GPR137C: variants seen among roughly 807,000 people sequenced by gnomAD.
GPR137C encodes integral membrane protein GPR137C.
GPR137C carries 27 observed loss-of-function variants against 43.4 expected under a neutral mutation model. The observed-to-expected ratio is 0.62, with a 90% CI of 0.46 to 0.86. The LOEUF (loss-of-function observed/expected upper bound fraction) is 0.86. GPR137C is among the 40% of genes least tolerant of loss of function. GPR137C has a pLI of 0.00. For synonymous variants in GPR137C, 285 were observed against 226.9 expected, an observed-to-expected ratio of 1.26 and a Z score of -2.30; for missense variants, 522 against 534.6, an observed-to-expected ratio of 0.98 and a Z score of 0.23.
At chr14:52,619,522 T>C (rs1037207384) in intron 3 of GPR137C, among the ~76,000 whole-genome samples, 2 of 152,212 alleles carry the variant, frequency 1.3e-5, no homozygotes, top group African/African-American at 4.8e-5. Context: ...ACTGCAAGTC[T>C]TATTTCCTAT....
At chr14:52,597,711 C>G (rs1418363605) in intron 1 of GPR137C, among the ~76,000 whole-genome samples, 1 of 152,122 alleles carries the variant, frequency 6.6e-6, no homozygotes, top group African/African-American at 2.4e-5. Context: ...TTTGGTTTAC[C>G]TACTCACCTG....
At chr14:52,631,343 G>A (rs1438408082) in intron 3 of GPR137C, among the ~76,000 whole-genome samples, 2 of 152,124 alleles carry the variant, frequency 1.3e-5, no homozygotes, top group South Asian at 2.1e-4. Flanking sequence ...CTTAATCATT[G>A]TGACAACCAA....
intron 1 of GPR137C, among the ~76,000 whole-genome samples, chr14:52,565,958 C>T (rs2038363616): frequency 1.3e-5 from 2 of 152,114 alleles, no homozygotes; most frequent in Non-Finnish European, 2.9e-5. Flanking sequence ...TCAGTGATAT[C>T]TAAGATACCT....
chr14:52,615,941 T>C (rs538464548), intron 3 of GPR137C, among the ~76,000 whole-genome samples: 1 of 152,364 alleles, frequency 6.6e-6, no homozygotes, highest in African/African-American at 2.4e-5. Flanking sequence ...ATAGTTTATT[T>C]CTACTCTTTC....
chr14:52,630,088 A>G (rs1346950757), intron 3 of GPR137C, among the ~76,000 whole-genome samples: 1 of 151,916 alleles, frequency 6.6e-6, no homozygotes, highest in East Asian at 1.9e-4. Flanking sequence ...GTAATCCTGT[A>G]TTTTGTGGGG....
At chr14:52,575,187 C>T (rs2038532244) in intron 1 of GPR137C, among the ~76,000 whole-genome samples, 1 of 152,076 alleles carries the variant, frequency 6.6e-6, no homozygotes, top group South Asian at 2.1e-4. Flanking sequence ...AATTTTTCTT[C>T]TCACCCATAA....
At chr14:52,574,651 A>G (rs557660951) in intron 1 of GPR137C, among the ~76,000 whole-genome samples, 4 of 152,192 alleles carry the variant, frequency 2.6e-5, no homozygotes, top group Non-Finnish European at 4.4e-5. Flanking sequence ...ACCATGGCAC[A>G]TGTATACTTA....
intron 4 of GPR137C, 105 bp downstream of exon 4, chr14:52,632,414 CTG>C: frequency 2.6e-6 from 2 of 757,986 alleles, no homozygotes; most frequent in Non-Finnish European, 4.3e-6. Context: ...TATGGAATCT[CTG>C]TCTACTGTCA....
At chr14:52,583,346 C>G (rs2038673397) in intron 1 of GPR137C, among the ~76,000 whole-genome samples, 3 of 152,120 alleles carry the variant, frequency 2.0e-5, no homozygotes, top group African/African-American at 7.2e-5. Context: ...CTATTAATAG[C>G]AGATAATTGT....
chr14:52,571,236 A>C (rs1443868611), intron 1 of GPR137C, among the ~76,000 whole-genome samples: 1 of 152,242 alleles, frequency 6.6e-6, no homozygotes. Context: ...CTGAATGACA[A>C]CTGGGTAAAT....
chr14:52,582,087 A>G lies in GPR137C; in HGVS notation c.445-16185A>G, dbSNP rs1390605867. ...TAAGAAAACAAATTTATTTCTCACC[A>G]TTCTGGAGGCTGGAAAGTTTCAGAC... is the stretch of plus-strand genomic sequence containing the variant. On this transcript the variant is annotated intron_variant, in intron 1 of 6. Coordinates refer to ENST00000321662, the MANE Select transcript of GPR137C (RefSeq NM_001099652.2). Among the ~76,000 whole-genome samples, 3 of 152,196 alleles carry G rather than the reference A, an allele frequency of 2.0e-5. No individual in the cohort carries two copies. The South Asian group carries it at 6.2e-4, about 32-fold the overall frequency.
At chr14:52,614,639 C>A (rs1238008820) in intron 3 of GPR137C, among the ~76,000 whole-genome samples, 1 of 152,044 alleles carries the variant, frequency 6.6e-6, no homozygotes, top group African/African-American at 2.4e-5. Flanking sequence ...AGGCATGTGC[C>A]ACCATGCCCG....
At chr14:52,574,025 T>A (rs2038512732) in intron 1 of GPR137C, among the ~76,000 whole-genome samples, 2 of 152,072 alleles carry the variant, frequency 1.3e-5, no homozygotes, top group Non-Finnish European at 2.9e-5. Flanking sequence ...TGAGATACCA[T>A]CTCATGCCAG....
chr14:52,559,573 A>G (rs2038249121), intron 1 of GPR137C, among the ~76,000 whole-genome samples: 1 of 152,092 alleles, frequency 6.6e-6, no homozygotes, highest in African/African-American at 2.4e-5. Context: ...AATAAAAAGC[A>G]TCTTCAAAAA....
In GPR137C at chr14:52,635,240, C is replaced by A; in HGVS notation, c.*125C>A. The stretch of plus-strand genomic sequence containing the variant: ...CTGAAAACAAAATCTGGAAGTGTGG[C>A]TGTGTTTGGTAAATAACACAGCTAT... On this transcript the variant is annotated 3_prime_UTR_variant, in exon 7 of 7. Coordinates refer to ENST00000321662, the MANE Select transcript of GPR137C (RefSeq NM_001099652.2). 1 of 723,646 alleles carries A rather than the reference C, an allele frequency of 1.4e-6. No homozygotes were observed. Among genetic ancestry groups the A allele is most frequent in the Non-Finnish European group, 2.1e-6 (1 of 472,828 alleles). 44.8% of individuals were successfully genotyped at this position (723,646 alleles called of 1,614,324 possible). A position where few individuals can be genotyped will look rare whatever the true frequency, so the allele number is the denominator to read the frequency against.
chr14:52,553,159 C>G lies in GPR137C; in HGVS notation c.12C>G (p.Ser4=). 8 of 1,171,938 alleles carry G rather than the reference C, an allele frequency of 6.8e-6. 1 individual carries two copies. In the South Asian group the frequency reaches 2.5e-4, roughly 37 times the overall value. The allele number at this position is 1,171,938 out of a possible 1,614,324, so 72.6% of individuals were successfully genotyped here. A position where few individuals can be genotyped will look rare whatever the true frequency, so the allele number is the denominator to read the frequency against. MRV[S]VPGPAAAAAP... Reference sequence around the variant, plus strand: ...CCCCCAGCCCCCTCATGAGGGTGTCCGTGCCGGGTCCGGCGGCCGCTGCCG... The same window carrying G: ...CCCCCAGCCCCCTCATGAGGGTGTCGGTGCCGGGTCCGGCGGCCGCTGCCG... Residue 4 remains serine (S), a synonymous_variant, in exon 1 of 7, where the codon TCC becomes TCG. Transcript: ENST00000321662.
intron 1 of GPR137C, among the ~76,000 whole-genome samples, chr14:52,562,771 T>C (rs2038306184): frequency 6.6e-6 from 1 of 152,156 alleles, no homozygotes; most frequent in South Asian, 2.1e-4. Flanking sequence ...AGAACTAAAT[T>C]TACAACCTGG....
chr14:52,632,186 C>G lies in GPR137C; in HGVS notation c.744C>G (p.Val248=). 6.2e-7 allele frequency: 1 copy of G among 1,606,220 alleles called. No individual in the cohort carries two copies. Among genetic ancestry groups the G allele is most frequent in the Non-Finnish European group, 8.5e-7 (1 of 1,173,112 alleles). The change falls in exon 4 of 7, where the codon GTC becomes GTG. Residue 248 remains valine, a synonymous_variant. Transcript: ENST00000321662. ...GTATGTCTCTGTGCCAGACTGTCGTCGTGGGCTCTGTAGTCATTCTTCTGT... is the reference window on the plus strand; with the variant it reads ...GTATGTCTCTGTGCCAGACTGTCGTGGTGGGCTCTGTAGTCATTCTTCTGT... The part of the protein sequence containing the change: ...SKGMSLCQTV[V]VGSVVILLYS...
intron 3 of GPR137C, chr14:52,611,507 G>A (rs541709703): frequency 2.9e-6 from 1 of 345,330 alleles, no homozygotes; most frequent in South Asian, 1.2e-4. Context: ...TGAATTTTAA[G>A]GATACAACCT....
Sources: gnomAD v4.1 joint callset for allele counts (sites outside exome capture counted in the v4.1 genomes callset) on GRCh38, gnomAD v4.1.1 for gene constraint, MANE v1.5 for transcripts, NCBI Gene and HGNC (gene_info 2026-07-23, HGNC 2026-07-21) for gene names.